SPAG16: variants seen among roughly 807,000 people sequenced by gnomAD.
SPAG16 encodes the protein sperm-associated antigen 16 protein.
In SPAG16, 86 loss-of-function variants were observed where a neutral mutation model predicts 80.4. The ratio of observed to expected loss-of-function variants is 1.07; its 90% CI spans 0.90 to 1.28. The LOEUF (loss-of-function observed/expected upper bound fraction) is 1.28. Ranked by LOEUF, SPAG16 falls within the 50% of genes most tolerant of loss-of-function variation. The pLI is 0.00. For missense variants in SPAG16, 870 were observed against 765.3 expected, an observed-to-expected ratio of 1.14 and a Z score of -1.61; for synonymous variants, 294 against 265.9, an observed-to-expected ratio of 1.11 and a Z score of -1.03.
chr2:214,161,295 T>C (rs2056425661), intron 15 of SPAG16, among the ~76,000 whole-genome samples: 1 of 152,180 alleles, frequency 6.6e-6, no homozygotes, highest in African/African-American at 2.4e-5. Flanking sequence ...TAGAATGATT[T>C]ATATTCCTTT....
chr2:214,054,344 A>G (rs367563146), intron 13 of SPAG16, among the ~76,000 whole-genome samples: 1 of 152,128 alleles, frequency 6.6e-6, no homozygotes, highest in Non-Finnish European at 1.5e-5. Flanking sequence ...AAAACCCTAT[A>G]TCTCCTTATG....
intron 10 of SPAG16, among the ~76,000 whole-genome samples, chr2:213,552,630 G>C (rs994775648): frequency 6.6e-6 from 1 of 152,182 alleles, no homozygotes; most frequent in African/African-American, 2.4e-5. Flanking sequence ...GAGTAGGATT[G>C]TGATGTTTAA....
At chr2:213,905,320 T>A (rs2077389792) in intron 11 of SPAG16, among the ~76,000 whole-genome samples, 1 of 152,200 alleles carries the variant, frequency 6.6e-6, no homozygotes, top group African/African-American at 2.4e-5. Flanking sequence ...TAGTCAGATA[T>A]TTTATACGTA....
intron 15 of SPAG16, among the ~76,000 whole-genome samples, chr2:214,374,865 T>TTATTTATTTATA (rs1700037412): frequency 6.6e-6 from 1 of 152,206 alleles, no homozygotes; most frequent in Non-Finnish European, 1.5e-5. Context: ...GAGGGCACTG[T>TTATTTATTTATA]GTCTTTTATT....
intron 15 of SPAG16, among the ~76,000 whole-genome samples, chr2:214,206,035 A>C (rs1030012958): frequency 2.5e-5 from 2 of 79,362 alleles, no homozygotes; most frequent in Non-Finnish European, 4.7e-5. Context: ...TCTACTAAAA[A>C]TACAAAAAAA....
At chr2:214,358,564 C>A (rs1488840789) in intron 15 of SPAG16, among the ~76,000 whole-genome samples, 1 of 151,594 alleles carries the variant, frequency 6.6e-6, no homozygotes, top group Non-Finnish European at 1.5e-5. Context: ...CCTATGGAAT[C>A]TACCACTGAA....
chr2:213,945,780 G>C (rs1386912964), intron 12 of SPAG16, among the ~76,000 whole-genome samples: 1 of 152,048 alleles, frequency 6.6e-6, no homozygotes, highest in Non-Finnish European at 1.5e-5. Context: ...CATTAGATCT[G>C]ACGGCAACTT....
intron 15 of SPAG16, among the ~76,000 whole-genome samples, chr2:214,192,999 C>G (rs541588899): frequency 1.3e-5 from 2 of 152,074 alleles, no homozygotes; most frequent in East Asian, 1.9e-4. Flanking sequence ...AGTTTTAGCT[C>G]AAGTCTGTTG....
At chr2:213,526,578 C>T (rs2075894805) in intron 10 of SPAG16, among the ~76,000 whole-genome samples, 1 of 152,116 alleles carries the variant, frequency 6.6e-6, no homozygotes, top group African/African-American at 2.4e-5. Flanking sequence ...TTTGGCAGCA[C>T]CTTAAGAAAC....
intron 10 of SPAG16, among the ~76,000 whole-genome samples, chr2:213,636,608 T>C (rs940637138): frequency 1.3e-4 from 20 of 152,202 alleles, no homozygotes; most frequent in Admixed American, 6.5e-4. Context: ...TATCCATTTG[T>C]TTGTTTCATC....
chr2:213,547,463 G>C (rs2076647803), intron 10 of SPAG16, among the ~76,000 whole-genome samples: 1 of 151,996 alleles, frequency 6.6e-6, no homozygotes, highest in Non-Finnish European at 1.5e-5. Context: ...TTAAATGTCA[G>C]TACTTTTCTA....
At chr2:213,822,699 T>A (rs1442323674) in intron 10 of SPAG16, among the ~76,000 whole-genome samples, 2 of 152,166 alleles carry the variant, frequency 1.3e-5, no homozygotes, top group African/African-American at 4.8e-5. Flanking sequence ...GCTGAACCTA[T>A]TGACCCGTCC....
intron 5 of SPAG16, among the ~76,000 whole-genome samples, chr2:213,329,238 C>G (rs1381621691): frequency 6.6e-6 from 1 of 152,158 alleles, no homozygotes; most frequent in African/African-American, 2.4e-5. Context: ...AACTGGGTAA[C>G]AGGCAGAGGT....
chr2:214,167,675 G>T (rs1429453513), intron 15 of SPAG16, among the ~76,000 whole-genome samples: 1 of 151,672 alleles, frequency 6.6e-6, no homozygotes, highest in Non-Finnish European at 1.5e-5. Flanking sequence ...AGTCATTTTT[G>T]AAAAGAATAT....
rs190310988 is a variant in SPAG16, at chr2:213,396,788, G to A, written c.942+21669G>A. 1.0e-3 allele frequency: 375 copies of A among 375,522 alleles called. 2 individuals carry two copies. The highest frequency in any genetic ancestry group is 6.8e-3 in the African/African-American group (328 of 48,176). 23.3% of individuals were successfully genotyped at this position (375,522 alleles called of 1,614,324 possible). A position where few individuals can be genotyped will look rare whatever the true frequency, so the allele number is the denominator to read the frequency against. ...TTGTTCTCCTCCAATCCTCCCTTTC[G>A]TCAACACCCATACCCTTTATCTGTG... On this transcript the variant is annotated intron_variant, in intron 9 of 15. Coordinates refer to ENST00000331683, the MANE Select transcript of SPAG16 (RefSeq NM_024532.5).
chr2:214,277,920 G>T (rs1692595027), intron 15 of SPAG16, among the ~76,000 whole-genome samples: 2 of 152,228 alleles, frequency 1.3e-5, no homozygotes, highest in African/African-American at 4.8e-5. Context: ...TAGAGGTGGA[G>T]TCAACAGAGG....
At chr2:214,113,551 C>G (rs895647896) in intron 14 of SPAG16, among the ~76,000 whole-genome samples, 1 of 152,146 alleles carries the variant, frequency 6.6e-6, no homozygotes, top group Non-Finnish European at 1.5e-5. Flanking sequence ...AACTTCTCTT[C>G]TTGCTTTATT....
intron 12 of SPAG16, among the ~76,000 whole-genome samples, chr2:213,950,670 CTCCT>C (rs1182617318): frequency 1.3e-5 from 2 of 148,686 alleles, no homozygotes; most frequent in Non-Finnish European, 3.0e-5. Context: ...CCCTCCCTCC[CTCCT>C]TCCTTCTCTC....
intron 13 of SPAG16, among the ~76,000 whole-genome samples, chr2:214,061,790 G>T (rs1470174798): frequency 6.6e-6 from 1 of 152,140 alleles, no homozygotes; most frequent in Admixed American, 6.5e-5. Context: ...AGTTGCTTCA[G>T]TAGTGAGGAG....
Sources: gnomAD v4.1 joint callset for allele counts (sites outside exome capture counted in the v4.1 genomes callset) on GRCh38, gnomAD v4.1.1 for gene constraint, MANE v1.5 for transcripts, NCBI Gene and HGNC (gene_info 2026-07-23, HGNC 2026-07-21) for gene names.